The following HS6ST3 variants were observed in gnomAD, a reference collection of about 807,000 sequenced individuals.
The protein encoded by HS6ST3 is heparan-sulfate 6-O-sulfotransferase 3.
Under a neutral mutation model 36.7 loss-of-function variants are expected in HS6ST3, and 12 were observed. The observed-to-expected ratio is 0.33, with a 90% CI of 0.21 to 0.53. The LOEUF (loss-of-function observed/expected upper bound fraction) is 0.53. Among genes scored for constraint, HS6ST3 ranks in the 20% least tolerant of loss-of-function variants. The pLI is 0.95. For synonymous variants in HS6ST3, 240 were observed against 257.5 expected (o/e 0.93, Z 0.65); for missense variants, 584 against 640.9 (o/e 0.91, Z 0.96).
intron 1 of HS6ST3, among the ~76,000 whole-genome samples, chr13:96,661,338 T>C (rs753332495): frequency 3.3e-5 from 5 of 152,188 alleles, no homozygotes; most frequent in African/African-American, 4.8e-5. Flanking sequence ...TGCATGTATT[T>C]TGATGATTGT....
intron 1 of HS6ST3, among the ~76,000 whole-genome samples, chr13:96,748,655 C>T (rs1010164770): frequency 6.6e-6 from 1 of 152,076 alleles, no homozygotes; most frequent in South Asian, 2.1e-4. Context: ...AATGTTCAAG[C>T]TTCATTGAGT....
chr13:96,560,744 T>C (rs1205773253), intron 1 of HS6ST3, among the ~76,000 whole-genome samples: 1 of 151,994 alleles, frequency 6.6e-6, no homozygotes, highest in African/African-American at 2.4e-5. Flanking sequence ...TGAACCAAGC[T>C]AAGAGCCAAA....
chr13:96,656,213 A>T (rs1165634724), intron 1 of HS6ST3, among the ~76,000 whole-genome samples: 1 of 152,166 alleles, frequency 6.6e-6, no homozygotes, highest in African/African-American at 2.4e-5. Flanking sequence ...ATGAGTCTAG[A>T]TTCCAAGTCT....
chr13:96,490,755 A>G (rs533303198), intron 1 of HS6ST3, among the ~76,000 whole-genome samples: 2 of 152,340 alleles, frequency 1.3e-5, no homozygotes, highest in South Asian at 4.1e-4. Context: ...CATTAAATAT[A>G]GGGCTTTTCA....
chr13:96,697,171 ATG>A (rs113784098), intron 1 of HS6ST3, among the ~76,000 whole-genome samples: 142 of 150,324 alleles, frequency 9.4e-4, no homozygotes, highest in African/African-American at 3.0e-3. Context: ...AAATGTATAG[ATG>A]TGTGTGTGTG....
chr13:96,669,219 G>A (rs903218992), intron 1 of HS6ST3, among the ~76,000 whole-genome samples: 1 of 152,114 alleles, frequency 6.6e-6, no homozygotes, highest in Non-Finnish European at 1.5e-5. Flanking sequence ...AGTTTGTCTA[G>A]GCCAAGAAAG....
At chr13:96,611,629 G>T (rs2056457412) in intron 1 of HS6ST3, among the ~76,000 whole-genome samples, 1 of 152,228 alleles carries the variant, frequency 6.6e-6, no homozygotes, top group African/African-American at 2.4e-5. Flanking sequence ...AAGTATCAGA[G>T]AAGTCCCCAT....
chr13:96,196,162 G>C (rs2054311646), intron 1 of HS6ST3, among the ~76,000 whole-genome samples: 1 of 152,108 alleles, frequency 6.6e-6, no homozygotes, highest in Non-Finnish European at 1.5e-5. Context: ...CACATCAACT[G>C]CTTTCTCTCT....
intron 1 of HS6ST3, among the ~76,000 whole-genome samples, chr13:96,111,810 C>T (rs1279155662): frequency 6.6e-6 from 1 of 152,020 alleles, no homozygotes; most frequent in East Asian, 1.9e-4. Flanking sequence ...ATGACTGTGA[C>T]CTACATAAAG....
At position 96,833,229 on chromosome 13, in the gene HS6ST3, A is replaced by T. The variant is rs1288145824; in HGVS notation, c.*31A>T. On this transcript the variant is annotated 3_prime_UTR_variant, in exon 2 of 2. Coordinates refer to ENST00000376705, the MANE Select transcript of HS6ST3 (RefSeq NM_153456.4). ...TGCCCTCTCCTCTCTCAGGAGGGGG[A>T]GGGTGAGCAGGCACATTGACTTTCT... 1.4e-6 allele frequency: 2 copies of T among 1,436,286 alleles called. No individual in the cohort carries two copies. The highest frequency in any genetic ancestry group is 2.6e-5 in the Admixed American group (1 of 39,102). The allele number at this position is 1,436,286 out of a possible 1,614,324, so 89.0% of individuals were successfully genotyped here. A position where few individuals can be genotyped will look rare whatever the true frequency, so the allele number is the denominator to read the frequency against.
At chr13:96,437,889 G>C (rs2055650943) in intron 1 of HS6ST3, among the ~76,000 whole-genome samples, 1 of 152,174 alleles carries the variant, frequency 6.6e-6, no homozygotes, top group African/African-American at 2.4e-5. Context: ...ATGAGGATTG[G>C]TCTCTTTTCT....
chr13:96,636,183 C>T (rs2056549187), intron 1 of HS6ST3, among the ~76,000 whole-genome samples: 1 of 152,076 alleles, frequency 6.6e-6, no homozygotes, highest in Non-Finnish European at 1.5e-5. Context: ...TTGCCAGGGA[C>T]TTGCAAAATG....
At position 96,425,152 on chromosome 13, in the gene HS6ST3, G is replaced by A. The variant is rs986295812; in HGVS notation, c.707+333583G>A. 4.6e-5 allele frequency among the ~76,000 whole-genome samples: 7 copies of A among 152,140 alleles called. 1 individual carries two copies. Among genetic ancestry groups the A allele is most frequent in the Admixed American group, 2.6e-4 (4 of 15,260 alleles). On this transcript the variant is annotated intron_variant, in intron 1 of 1. Transcript: ENST00000376705. ...TGTAACTAAAGGCAAATGACCTGTC[G>A]AAGCCTCTTCTCTGTCAAATGGGAA...
chr13:96,620,288 G>T (rs1322386144), intron 1 of HS6ST3, among the ~76,000 whole-genome samples: 1 of 152,162 alleles, frequency 6.6e-6, no homozygotes, highest in Admixed American at 6.5e-5. Context: ...CAAGAAAATT[G>T]ACTGTTTTTT....
intron 1 of HS6ST3, among the ~76,000 whole-genome samples, chr13:96,600,682 T>G (rs925328762): frequency 6.6e-6 from 1 of 152,090 alleles, no homozygotes; most frequent in African/African-American, 2.4e-5. Flanking sequence ...TAATATTGTA[T>G]ATGAGATTCT....
chr13:96,531,521 A>G (rs1414313072), intron 1 of HS6ST3, among the ~76,000 whole-genome samples: 4 of 152,186 alleles, frequency 2.6e-5, no homozygotes, highest in Non-Finnish European at 4.4e-5. Flanking sequence ...GATAATTATA[A>G]GAAGCCTTGA....
intron 1 of HS6ST3, among the ~76,000 whole-genome samples, chr13:96,310,954 C>A (rs189296638): frequency 6.6e-6 from 1 of 152,212 alleles, no homozygotes; most frequent in East Asian, 1.9e-4. Flanking sequence ...CCTCTGACCA[C>A]CCCCATGAAA....
chr13:96,700,526 T>G (rs926549934), intron 1 of HS6ST3, among the ~76,000 whole-genome samples: 1 of 152,186 alleles, frequency 6.6e-6, no homozygotes, highest in African/African-American at 2.4e-5. Flanking sequence ...GTCAAAAACT[T>G]TACATTATTC....
intron 1 of HS6ST3, among the ~76,000 whole-genome samples, chr13:96,545,287 T>C (rs1326654954): frequency 3.9e-5 from 6 of 152,200 alleles, no homozygotes; most frequent in African/African-American, 1.4e-4. Context: ...AGTAATTATT[T>C]CTATTTGCCT....
Sources: allele counts gnomAD v4.1 joint callset (sites outside exome capture counted in the v4.1 genomes callset), GRCh38; gene constraint gnomAD v4.1.1; transcripts MANE v1.5; gene names NCBI Gene and HGNC (gene_info 2026-07-23, HGNC 2026-07-21).